The following XKR9 variants were observed in gnomAD, a reference collection of about 807,000 sequenced individuals.
XKR9 encodes the protein XK-related protein 9.
Under a neutral mutation model 32.0 loss-of-function variants are expected in XKR9, and 32 were observed. That is an observed-to-expected ratio of 1.00 (90% CI 0.76 to 1.34). The LOEUF (loss-of-function observed/expected upper bound fraction) is 1.34, where lower values mean the gene tolerates loss of function less well. XKR9 is among the 40% of genes most tolerant of loss of function. XKR9 has a pLI of 0.00. For missense variants in XKR9, 546 were observed against 429.7 expected (o/e 1.27, Z -2.39); for synonymous variants, 168 against 143.4 (o/e 1.17, Z -1.22).
At chr8:70,743,102 A>G (rs1206156899) in intron 2 of XKR9, among the ~76,000 whole-genome samples, 1 of 151,386 alleles carries the variant, frequency 6.6e-6, no homozygotes, top group Non-Finnish European at 1.5e-5. Flanking sequence ...ATTTTTTTCC[A>G]ATTTGTTTCT....
intron 4 of XKR9, among the ~76,000 whole-genome samples, chr8:70,723,116 G>T (rs1586857750): frequency 1.3e-5 from 2 of 152,120 alleles, no homozygotes; most frequent in East Asian, 3.9e-4. Context: ...TATGCTGCAT[G>T]AAGTTCTTGT....
the XKR9 span, among the ~76,000 whole-genome samples, chr8:70,820,866 GATA>G: frequency 6.6e-6 from 1 of 152,104 alleles, no homozygotes; most frequent in African/African-American, 2.4e-5. Flanking sequence ...TATAATTCCT[GATA>G]ATATTTGGGT....
At position 70,734,058 on chromosome 8, in the gene XKR9, G is replaced by C. The variant is rs1169947863; in HGVS notation, c.756G>C (p.Gln252His). The change falls in exon 5 of 5, where the codon CAG becomes CAC. Residue 252 changes from glutamine to histidine, a missense_variant. Gln to His is a conservative substitution (Grantham distance 24). Coordinates refer to ENST00000408926, the MANE Select transcript of XKR9 (RefSeq NM_001011720.2). Reference sequence around the variant, plus strand: ...TATGGGCATTTAAAAACAACACCCAGTTTTGTACTTGTATAAGTATGGAAT... The same window carrying C: ...TATGGGCATTTAAAAACAACACCCACTTTTGTACTTGTATAAGTATGGAAT... ...GIIWAFKNNT[Q>H]FCTCISMEFL... The C allele has an allele frequency of 1.2e-6, 2 of 1,613,036 alleles. No homozygotes were observed. The highest frequency in any genetic ancestry group is 1.6e-4 in the Middle Eastern group (1 of 6,072).
intron 2 of XKR9, among the ~76,000 whole-genome samples, chr8:70,780,657 T>C (rs949883372): frequency 6.6e-6 from 1 of 152,164 alleles, no homozygotes; most frequent in Non-Finnish European, 1.5e-5. Flanking sequence ...ATTTTGGGCT[T>C]CTAGCCTCCA....
intron 2 of XKR9, among the ~76,000 whole-genome samples, chr8:70,747,750 A>G (rs989096340): frequency 6.6e-5 from 10 of 152,224 alleles, no homozygotes; most frequent in African/African-American, 2.4e-4. Context: ...TGAGGCAACA[A>G]TTACTTTTAA....
chr8:70,916,721 T>C, the XKR9 span, among the ~76,000 whole-genome samples: 3 of 152,152 alleles, frequency 2.0e-5, no homozygotes, highest in Non-Finnish European at 2.9e-5. Flanking sequence ...GTATTTAATC[T>C]ATAGGTAAAT....
chr8:70,815,210 G>C, the XKR9 span, among the ~76,000 whole-genome samples: 1 of 151,992 alleles, frequency 6.6e-6, no homozygotes, highest in African/African-American at 2.4e-5. Flanking sequence ...GTGCAGGTTT[G>C]TTATATAGGT....
At chr8:70,805,748 G>T in the XKR9 span, among the ~76,000 whole-genome samples, 2 of 152,160 alleles carry the variant, frequency 1.3e-5, no homozygotes, top group African/African-American at 2.4e-5. Context: ...ACAGAACCTG[G>T]ATCTCCCTGG....
the XKR9 span, among the ~76,000 whole-genome samples, chr8:70,802,503 G>T: frequency 2.0e-5 from 3 of 152,124 alleles, no homozygotes; most frequent in African/African-American, 4.8e-5. Flanking sequence ...TATATGTGTG[G>T]GTTTGAACCT....
At chr8:71,020,378 C>T in the XKR9 span, among the ~76,000 whole-genome samples, 20 of 152,098 alleles carry the variant, frequency 1.3e-4, no homozygotes, top group African/African-American at 4.6e-4. Context: ...CAACAATAGC[C>T]GTGGTTCAAA....
the XKR9 span, among the ~76,000 whole-genome samples, chr8:71,022,871 G>T: frequency 6.6e-6 from 1 of 151,620 alleles, no homozygotes; most frequent in African/African-American, 2.4e-5. Context: ...TCTTGAGCTA[G>T]TCTACTGTTG....
chr8:70,875,281 G>A, the XKR9 span, among the ~76,000 whole-genome samples: 3 of 152,138 alleles, frequency 2.0e-5, no homozygotes, highest in Non-Finnish European at 4.4e-5. Flanking sequence ...AAATCCTTAA[G>A]TGGAGAATGC....
Position 70,753,710 on chromosome 8 carries a change from C to A in XKR9, n.353-35629C>A, listed in dbSNP as rs1322800137. On this transcript the variant is annotated intron_variant and non_coding_transcript_variant, in intron 2 of 3. Transcript: ENST00000520273. ...TGCAGAAAAGGCCTTTGACAAAATT[C>A]AACAACGCTTCATGCTAAAAACTCT... 1.0e-3 allele frequency among the ~76,000 whole-genome samples: 156 copies of A among 152,036 alleles called. 1 individual carries two copies. Among genetic ancestry groups the A allele is most frequent in the Middle Eastern group, 6.8e-3 (2 of 294 alleles).
At chr8:70,815,233 TG>T in the XKR9 span, among the ~76,000 whole-genome samples, 1 of 152,184 alleles carries the variant, frequency 6.6e-6, no homozygotes, top group Non-Finnish European at 1.5e-5. Flanking sequence ...ACTTGTGTCA[TG>T]GGGGTTTGTT....
intron 2 of XKR9, among the ~76,000 whole-genome samples, chr8:70,781,382 T>G (rs1381046127): frequency 2.0e-5 from 3 of 152,136 alleles, no homozygotes; most frequent in Non-Finnish European, 4.4e-5. Flanking sequence ...TCTTTTTACT[T>G]TCTTTTTTTC....
the XKR9 span, among the ~76,000 whole-genome samples, chr8:70,956,822 G>T: frequency 6.6e-6 from 1 of 152,190 alleles, no homozygotes; most frequent in South Asian, 2.1e-4. Flanking sequence ...AGAGGCCAGG[G>T]AGTGGGAGCA....
In XKR9 at chr8:70,753,071, G is replaced by A. The variant is rs1003683203; in HGVS notation, n.353-36268G>A. ...GAATCAAATAGACGCAATAAAAAAT[G>A]ATAAAGGGGACATCACCACCGATCC... On this transcript the variant is annotated intron_variant and non_coding_transcript_variant, in intron 2 of 3. Transcript: ENST00000520273. 2.5e-4 allele frequency among the ~76,000 whole-genome samples: 38 copies of A among 152,142 alleles called. 1 individual carries two copies. Among genetic ancestry groups the A allele is most frequent in the African/African-American group, 8.9e-4 (37 of 41,408 alleles).
the XKR9 span, among the ~76,000 whole-genome samples, chr8:71,059,800 C>T: frequency 4.6e-5 from 7 of 152,150 alleles, no homozygotes; most frequent in African/African-American, 1.2e-4. Flanking sequence ...AGGGGAGGAT[C>T]GTTCCTGTGG....
At chr8:70,783,035 C>T (rs746780227) in intron 2 of XKR9, among the ~76,000 whole-genome samples, 4 of 152,074 alleles carry the variant, frequency 2.6e-5, no homozygotes, top group Non-Finnish European at 5.9e-5. Flanking sequence ...ACATTCCTAG[C>T]AATAATAGAA....
Sources: gnomAD v4.1 joint callset for allele counts (sites outside exome capture counted in the v4.1 genomes callset) on GRCh38, gnomAD v4.1.1 for gene constraint, MANE v1.5 for transcripts, NCBI Gene and HGNC (gene_info 2026-07-23, HGNC 2026-07-21) for gene names.